The following TNKS variants were observed in gnomAD, a reference collection of about 807,000 sequenced individuals.
TNKS encodes the protein tankyrase, also known as poly [ADP-ribose] polymerase tankyrase-1.
A neutral mutation model predicts 135.8 loss-of-function variants in TNKS; 72 were observed. The ratio of observed to expected loss-of-function variants is 0.53; its 90% confidence interval spans 0.44 to 0.64. TNKS has a LOEUF of 0.64. Among genes scored for constraint, TNKS ranks in the 30% least tolerant of loss-of-function variants. TNKS has a pLI of 0.00. For missense variants in TNKS, 1,769 were observed against 1,674.0 expected, an observed-to-expected ratio of 1.06 and a Z score of -0.99; for synonymous variants, 849 against 649.3, an observed-to-expected ratio of 1.31 and a Z score of -4.68.
chr8:9,681,101 A>C, intron 5 of TNKS: 1 of 221,490 alleles, frequency 4.5e-6, no homozygotes, highest in East Asian at 9.3e-5. Context: ...TGGGTATGAT[A>C]ATGGAAACTG....
At chr8:9,604,968 C>A (rs145285813) in intron 2 of TNKS, among the ~76,000 whole-genome samples, 1 of 151,556 alleles carries the variant, frequency 6.6e-6, no homozygotes, top group East Asian at 1.9e-4. Context: ...ACAGTCAGAC[C>A]CTCTATAAAG....
Position 9,678,935 on chromosome 8 carries a change from T to C in TNKS, c.995-1016T>C, listed in dbSNP as rs529920444. ...GATGTAGCAAACTAAGTCAGTGTAT[T>C]ACAGCTGAATCATAGTCCTGGCTGT... On this transcript the variant is annotated intron_variant, in intron 3 of 26. Transcript: ENST00000310430. 1.4e-4 allele frequency among the ~76,000 whole-genome samples: 21 copies of C among 152,340 alleles called. 1 individual carries two copies. The highest frequency in any genetic ancestry group is 8.5e-4 in the Admixed American group (13 of 15,306).
intron 1 of TNKS, among the ~76,000 whole-genome samples, chr8:9,571,264 CTA>C (rs1345143171): frequency 6.6e-6 from 1 of 152,118 alleles, no homozygotes; most frequent in Non-Finnish European, 1.5e-5. Flanking sequence ...AGGTACCTAT[CTA>C]TATTTAGCAG....
chr8:9,727,349 A>G (rs1488245044), intron 13 of TNKS, among the ~76,000 whole-genome samples: 1 of 152,186 alleles, frequency 6.6e-6, no homozygotes, highest in African/African-American at 2.4e-5. Flanking sequence ...GCTTTTTTAA[A>G]ACACACATTT....
chr8:9,595,987 C>T (rs1015460036), intron 2 of TNKS, among the ~76,000 whole-genome samples: 2 of 152,114 alleles, frequency 1.3e-5, no homozygotes, highest in Admixed American at 6.5e-5. Context: ...TGGCACACAC[C>T]TGTGGTCCTA....
chr8:9,774,225 A>T (rs1272105920), intron 26 of TNKS, among the ~76,000 whole-genome samples: 1 of 152,202 alleles, frequency 6.6e-6, no homozygotes, highest in Non-Finnish European at 1.5e-5. Context: ...TTCTCCAGAG[A>T]TTTCAGCTAC....
intron 11 of TNKS, among the ~76,000 whole-genome samples, chr8:9,712,500 C>G (rs1273756985): frequency 6.6e-6 from 1 of 152,062 alleles, no homozygotes; most frequent in Non-Finnish European, 1.5e-5. Context: ...TGAAATGAAC[C>G]TAAAATTAAA....
At chr8:9,774,184 C>T (rs1407442104) in intron 26 of TNKS, among the ~76,000 whole-genome samples, 3 of 152,204 alleles carry the variant, frequency 2.0e-5, no homozygotes, top group Non-Finnish European at 4.4e-5. Context: ...TCACATTAGA[C>T]ATGAAGGAGA....
intron 2 of TNKS, among the ~76,000 whole-genome samples, chr8:9,594,582 C>T (rs962044416): frequency 6.6e-6 from 1 of 152,038 alleles, no homozygotes; most frequent in Non-Finnish European, 1.5e-5. Flanking sequence ...TGAGATCATT[C>T]CACCATATTA....
intron 5 of TNKS, among the ~76,000 whole-genome samples, chr8:9,691,969 T>C (rs1803296606): frequency 6.6e-6 from 1 of 152,222 alleles, no homozygotes; most frequent in South Asian, 2.1e-4. Flanking sequence ...TTTTACAGCA[T>C]CTCAGATATA....
intron 21 of TNKS, 117 bp downstream of exon 21, chr8:9,761,753 C>G: frequency 1.9e-6 from 2 of 1,044,074 alleles, no homozygotes; most frequent in Middle Eastern, 2.3e-4. Flanking sequence ...ACTATTGTAC[C>G]TCCTGTCCCT....
chr8:9,723,154 G>GTTTT (rs10688007), intron 12 of TNKS, among the ~76,000 whole-genome samples: 3 of 144,366 alleles, frequency 2.1e-5, no homozygotes, highest in East Asian at 2.0e-4. Context: ...CCTCCAAAAG[G>GTTTT]TTTTTTTTTT....
chr8:9,612,486 G>A (rs934692530), intron 2 of TNKS, among the ~76,000 whole-genome samples: 2 of 152,226 alleles, frequency 1.3e-5, no homozygotes, highest in African/African-American at 2.4e-5. Flanking sequence ...AAAATGGTCC[G>A]TAGGCCAAAC....
chr8:9,727,645 A>G (rs978439677), intron 13 of TNKS, among the ~76,000 whole-genome samples: 1 of 152,220 alleles, frequency 6.6e-6, no homozygotes, highest in African/African-American at 2.4e-5. Context: ...TTTTTACGAC[A>G]TACTGTCAAC....
chr8:9,677,033 C>T (rs551380405), intron 3 of TNKS, among the ~76,000 whole-genome samples: 1 of 152,120 alleles, frequency 6.6e-6, no homozygotes, highest in Non-Finnish European at 1.5e-5. Flanking sequence ...AGAACTGGTG[C>T]TTTGGCTGTT....
At chr8:9,651,224 GC>G (rs1394310472) in intron 3 of TNKS, among the ~76,000 whole-genome samples, 1 of 151,944 alleles carries the variant, frequency 6.6e-6, no homozygotes, top group Non-Finnish European at 1.5e-5. Context: ...ATGAAGTGGG[GC>G]TCACTTCTGT....
At position 9,764,765 on chromosome 8, in the gene TNKS, T is replaced by C; in HGVS notation, c.3422T>C (p.Ile1141Thr). The C allele has an allele frequency of 6.3e-7, 1 of 1,598,518 alleles. No homozygotes were observed. Among genetic ancestry groups the C allele is most frequent in the East Asian group, 2.3e-5 (1 of 43,792 alleles). ...EHRDGGNAGG[I>T]FNRYNVIRIQ... ...AGAGATGGTGGTAATGCTGGCGGCATCTTCAACAGATACAATGTCATTCGA... is the reference window on the plus strand; with the variant it reads ...AGAGATGGTGGTAATGCTGGCGGCACCTTCAACAGATACAATGTCATTCGA... Residue 1141 changes from isoleucine (I) to threonine (T), a missense_variant, in exon 23 of 27, where the codon ATC (isoleucine) becomes ACC (threonine). Transcript: ENST00000310430.
chr8:9,734,222 C>G (rs1805577593), intron 15 of TNKS, among the ~76,000 whole-genome samples: 1 of 152,148 alleles, frequency 6.6e-6, no homozygotes, highest in Non-Finnish European at 1.5e-5. Flanking sequence ...TCCACCTTGA[C>G]TTACAACTAA....
At chr8:9,577,856 G>A (rs1343188341) in intron 1 of TNKS, among the ~76,000 whole-genome samples, 2 of 152,150 alleles carry the variant, frequency 1.3e-5, no homozygotes, top group South Asian at 2.1e-4. Flanking sequence ...AGAGTTCAAA[G>A]CAAAGCAAGT....
Sources: allele counts gnomAD v4.1 joint callset (sites outside exome capture counted in the v4.1 genomes callset), GRCh38; gene constraint gnomAD v4.1.1; transcripts MANE v1.5; gene names NCBI Gene and HGNC (gene_info 2026-07-23, HGNC 2026-07-21).